The following KCNK3 variants were observed in gnomAD, a reference collection of about 807,000 sequenced individuals.
KCNK3 encodes the protein potassium channel subfamily K member 3.
A neutral mutation model predicts 27.3 loss-of-function variants in KCNK3; 9 were observed. The observed-to-expected ratio is 0.33, with a 90% confidence interval of 0.20 to 0.57. The LOEUF (loss-of-function observed/expected upper bound fraction) is 0.57. KCNK3 is among the 20% of genes least tolerant of loss of function. The pLI is 0.87. For missense variants in KCNK3, 391 were observed against 577.7 expected, an observed-to-expected ratio of 0.68 and a Z score of 3.31; for synonymous variants, 278 against 273.8, an observed-to-expected ratio of 1.02 and a Z score of -0.15.
Position 26,728,355 on chromosome 2 carries a change from CAT to C in KCNK3, c.973_974del (p.Ile325ProfsTer312). On this transcript the variant is annotated frameshift_variant, in exon 2 of 2. Transcript: ENST00000302909. LOFTEE classifies it high-confidence loss of function. The part of the protein sequence containing the change: ...YKSREKLQYS[I>X]PMIIPRDLST... The stretch of plus-strand genomic sequence containing the variant: ...AGAGCCGCGAGAAGCTGCAGTACTC[CAT>C]CCCCATGATCATCCCGCGGGACCTC... The C allele has an allele frequency of 6.2e-7, 1 of 1,607,094 alleles. No homozygotes were observed.
intron 1 of KCNK3, among the ~76,000 whole-genome samples, chr2:26,717,890 A>G (rs1663260125): frequency 6.6e-6 from 1 of 152,178 alleles, no homozygotes; most frequent in Non-Finnish European, 1.5e-5. Flanking sequence ...TTCAACAGAA[A>G]TTGATGAAGC....
At chr2:26,724,330 G>C (rs903955078) in intron 1 of KCNK3, among the ~76,000 whole-genome samples, 1 of 152,250 alleles carries the variant, frequency 6.6e-6, no homozygotes, top group African/African-American at 2.4e-5. Flanking sequence ...GCCTGAGGCT[G>C]ATGCCCAAGT....
At position 26,693,165 on chromosome 2, in the gene KCNK3, G is replaced by T; in HGVS notation, c.283+7G>T. ...ACCGTCATCACCACCATCGGTAACG[G>T]CTCGCCGGGCGGGGGGCGGGAACCC... is the stretch of plus-strand genomic sequence containing the variant. On this transcript the variant is annotated splice_region_variant and intron_variant, in intron 1 of 1. Transcript: ENST00000302909. This position sits in a 1 kb window ranked among gnomAD's most constrained non-coding sequence, Gnocchi z 5.5. 1.6e-6 allele frequency: 2 copies of T among 1,280,930 alleles called. No homozygotes were observed. Among genetic ancestry groups the T allele is most frequent in the Non-Finnish European group, 1.0e-6 (1 of 966,368 alleles). The allele number at this position is 1,280,930 out of a possible 1,614,324, so 79.3% of individuals were successfully genotyped here. A position where few individuals can be genotyped will look rare whatever the true frequency, so the allele number is the denominator to read the frequency against.
rs565976330 is a variant in KCNK3, at chr2:26,695,734, C to T, written c.283+2576C>T. ...GGTAGCATCCTTCCCTCTTCCTCTG[C>T]CGTTTCCCAAAGTGCTTGCAGTCCT... is the stretch of plus-strand genomic sequence containing the variant. On this transcript the variant is annotated intron_variant, in intron 1 of 1. Coordinates refer to ENST00000302909, the MANE Select transcript of KCNK3 (RefSeq NM_002246.3). Among the ~76,000 whole-genome samples the T allele has an allele frequency of 5.3e-5, 8 of 152,280 alleles. No homozygotes were observed. In the South Asian group the frequency reaches 1.5e-3, roughly 28 times the overall value.
At chr2:26,706,574 C>T (rs1670376248) in intron 1 of KCNK3, among the ~76,000 whole-genome samples, 1 of 152,134 alleles carries the variant, frequency 6.6e-6, no homozygotes, top group African/African-American at 2.4e-5. Context: ...GGCTCTGGAG[C>T]AGGGGCTCCT....
intron 1 of KCNK3, among the ~76,000 whole-genome samples, chr2:26,714,779 A>G (rs1449542209): frequency 7.2e-6 from 1 of 138,852 alleles, no homozygotes; most frequent in East Asian, 2.0e-4. Context: ...CCAGCTACTC[A>G]GGAGGATGAG....
intron 1 of KCNK3, among the ~76,000 whole-genome samples, chr2:26,699,998 G>A (rs896645155): frequency 4.6e-5 from 7 of 152,320 alleles, no homozygotes; most frequent in East Asian, 1.9e-4. Flanking sequence ...CACAGCTAGC[G>A]GTGGCAGATG....
intron 1 of KCNK3, among the ~76,000 whole-genome samples, chr2:26,701,320 G>A (rs114494479): frequency 0.027 from 4,111 of 152,318 alleles, 102 homozygotes; most frequent in Non-Finnish European, 0.037. Context: ...GAGCCAGCTA[G>A]AGAGCCTGGG....
At chr2:26,711,208 G>A (rs1453352812) in intron 1 of KCNK3, among the ~76,000 whole-genome samples, 2 of 152,138 alleles carry the variant, frequency 1.3e-5, no homozygotes, top group Non-Finnish European at 2.9e-5. Context: ...AACCTTGACC[G>A]AGTCACCTCA....
At chr2:26,699,997 C>T (rs1056669308) in intron 1 of KCNK3, among the ~76,000 whole-genome samples, 10 of 152,222 alleles carry the variant, frequency 6.6e-5, no homozygotes, top group Admixed American at 1.3e-4. Context: ...GCACAGCTAG[C>T]GGTGGCAGAT....
chr2:26,704,987 G>A (rs377512565), intron 1 of KCNK3, among the ~76,000 whole-genome samples: 17 of 151,630 alleles, frequency 1.1e-4, no homozygotes, highest in African/African-American at 3.9e-4. Context: ...TTTTTTTGGA[G>A]GCAGGGTCTC....
chr2:26,714,384 G>T lies in KCNK3; in HGVS notation c.284-13283G>T, dbSNP rs150163711. 2.8e-3 allele frequency among the ~76,000 whole-genome samples: 420 copies of T among 150,994 alleles called. 4 individuals are homozygous for T. The highest frequency in any genetic ancestry group is 9.8e-3 in the African/African-American group (404 of 41,106). ...CCGACTGTTGAATGGACACCACCCC[G>T]CCCAGTGAGCCACAGGGATTCAACA... On this transcript the variant is annotated intron_variant, in intron 1 of 1. Coordinates refer to ENST00000302909, the MANE Select transcript of KCNK3 (RefSeq NM_002246.3).
At chr2:26,694,401 T>C (rs1670209270) in intron 1 of KCNK3, among the ~76,000 whole-genome samples, 1 of 152,148 alleles carries the variant, frequency 6.6e-6, no homozygotes, top group Non-Finnish European at 1.5e-5. Flanking sequence ...GCGCAGCCCA[T>C]GAAGATGGCA....
At chr2:26,702,737 T>G (rs965231365) in intron 1 of KCNK3, among the ~76,000 whole-genome samples, 1 of 152,008 alleles carries the variant, frequency 6.6e-6, no homozygotes, top group Non-Finnish European at 1.5e-5. Flanking sequence ...GAGATACATA[T>G]TAAGAGATGT....
intron 1 of KCNK3, among the ~76,000 whole-genome samples, chr2:26,716,490 G>C (rs1473519650): frequency 1.3e-5 from 2 of 152,112 alleles, no homozygotes; most frequent in Non-Finnish European, 2.9e-5. Context: ...GCACTGATTT[G>C]TTTAGGTGGG....
chr2:26,696,451 A>T (rs1428002885), intron 1 of KCNK3, among the ~76,000 whole-genome samples: 1 of 152,176 alleles, frequency 6.6e-6, no homozygotes, highest in Non-Finnish European at 1.5e-5. Flanking sequence ...CAGGCCTGAC[A>T]CAGCCAAGCC....
chr2:26,692,803 C>A lies in KCNK3; in HGVS notation c.-73C>A. On this transcript the variant is annotated 5_prime_UTR_variant, in exon 1 of 2. Transcript: ENST00000302909. This position sits in a 1 kb window ranked among gnomAD's most constrained non-coding sequence, Gnocchi z 5.6. ...GCCATGCCCCAGGCCGCCTCCGGGG[C>A]AGCAGCAGCGGCGGCCGGGGCCGAG... 1 of 852,872 alleles carries A rather than the reference C, an allele frequency of 1.2e-6. No individual in the cohort carries two copies. The highest frequency in any genetic ancestry group is 1.4e-6 in the Non-Finnish European group (1 of 709,020). 52.8% of individuals were successfully genotyped at this position (852,872 alleles called of 1,614,324 possible). A position where few individuals can be genotyped will look rare whatever the true frequency, so the allele number is the denominator to read the frequency against.
At chr2:26,711,734 C>T (rs747489514) in intron 1 of KCNK3, among the ~76,000 whole-genome samples, 1 of 152,158 alleles carries the variant, frequency 6.6e-6, no homozygotes, top group Non-Finnish European at 1.5e-5. Flanking sequence ...GTGCCTGGCA[C>T]GTAGTAAGCG....
Position 26,728,409 on chromosome 2 carries a change from G to A in KCNK3, c.1026G>A (p.Gln342=). The change falls in exon 2 of 2, where the codon CAG becomes CAA. Residue 342 remains glutamine, a synonymous_variant. Transcript: ENST00000302909. ...CCACGTCCGACACGTGCGTGGAGCA[G>A]AGCCACTCGTCGCCGGGAGGGGGCG... is the stretch of plus-strand genomic sequence containing the variant. ...DLSTSDTCVE[Q]SHSSPGGGGR... 3.1e-6 allele frequency: 5 copies of A among 1,595,426 alleles called. No homozygotes were observed. Among genetic ancestry groups the A allele is most frequent in the Non-Finnish European group, 3.4e-6 (4 of 1,167,586 alleles).
Sources: allele counts gnomAD v4.1 joint callset (sites outside exome capture counted in the v4.1 genomes callset), GRCh38; gene constraint gnomAD v4.1.1; non-coding constraint Gnocchi (gnomAD v3.1); transcripts MANE v1.5; gene names NCBI Gene and HGNC (gene_info 2026-07-23, HGNC 2026-07-21).